Variants in UBP1 observed in about 807,000 individuals in gnomAD.
The protein encoded by UBP1 is upstream binding protein 1, also known as upstream-binding protein 1.
In UBP1, 22 loss-of-function variants were observed where a neutral mutation model predicts 76.1. The observed-to-expected ratio is 0.29, with a 90% CI of 0.21 to 0.41. UBP1 has a LOEUF of 0.41. Ranked by LOEUF, UBP1 falls within the 10% of genes least tolerant of loss-of-function variation. The pLI is 1.00. For missense variants in UBP1, 436 were observed against 668.1 expected (o/e 0.65, Z 3.83); for synonymous variants, 224 against 237.1 (o/e 0.94, Z 0.51).
At chr3:33,425,996 A>AGT (rs2045005195) in intron 1 of UBP1, among the ~76,000 whole-genome samples, 2 of 55,136 alleles carry the variant, frequency 3.6e-5, no homozygotes, top group African/African-American at 1.7e-4. Flanking sequence ...GGCAGCTCTG[A>AGT]ATATATATAT....
chr3:33,411,727 A>G (rs1370585189), intron 4 of UBP1, 40 bp from the exon 5 acceptor site: 1 of 1,513,688 alleles, frequency 6.6e-7, no homozygotes, highest in South Asian at 1.1e-5. Context: ...CATCCACTTT[A>G]AATAACTTAA....
At chr3:33,417,830 AG>A (rs1304994273) in intron 2 of UBP1, among the ~76,000 whole-genome samples, 2 of 152,216 alleles carry the variant, frequency 1.3e-5, no homozygotes, top group African/African-American at 2.4e-5. Context: ...CCATACTCCC[AG>A]GGGGCTTACA....
chr3:33,425,763 C>G lies in UBP1; in HGVS notation c.114-22G>C, dbSNP rs776544444. 4.5e-6 allele frequency: 7 copies of G among 1,558,968 alleles called. No individual in the cohort carries two copies. In the East Asian group the frequency reaches 1.1e-4, roughly 25 times the overall value. On this transcript the variant is annotated intron_variant, in intron 1 of 15. Transcript: ENST00000283629. ...ATCACTGAAAAGCAAAAAATCAACA[C>G]TGACCTTACTTTGGGTTTGAAATAT...
intron 5 of UBP1, among the ~76,000 whole-genome samples, chr3:33,410,695 T>C (rs1313754864): frequency 1.3e-5 from 2 of 152,146 alleles, no homozygotes; most frequent in African/African-American, 4.8e-5. Context: ...CACAGAATAA[T>C]GATATTATAG....
intron 3 of UBP1, among the ~76,000 whole-genome samples, chr3:33,413,563 A>C (rs1045216642): frequency 2.6e-5 from 4 of 151,822 alleles, no homozygotes; most frequent in South Asian, 2.1e-4. Flanking sequence ...AAAAAAAAAA[A>C]AACTTTGAGT....
Position 33,440,035 on chromosome 3 carries a change from G to A in UBP1, c.-187C>T. ...TGGCAGGGCACGACGAGCCCAGCGA[G>A]CAATTGCAGCGGGAGCGGCCGGGCC... On this transcript the variant is annotated 5_prime_UTR_variant, in exon 1 of 16. Coordinates refer to ENST00000283629, the MANE Select transcript of UBP1 (RefSeq NM_014517.5). 3.8e-6 allele frequency: 2 copies of A among 530,016 alleles called. No individual in the cohort carries two copies. The highest frequency in any genetic ancestry group is 4.4e-5 in the Admixed American group (1 of 22,880). The allele number at this position is 530,016 out of a possible 1,614,324, so 32.8% of individuals were successfully genotyped here.
chr3:33,401,196 C>G (rs775696983), intron 9 of UBP1, among the ~76,000 whole-genome samples, 180 bp from the exon 10 acceptor site: 1 of 152,054 alleles, frequency 6.6e-6, no homozygotes, highest in Admixed American at 6.5e-5. Flanking sequence ...GACATGATGA[C>G]GAAATTAAGA....
intron 2 of UBP1, among the ~76,000 whole-genome samples, chr3:33,421,173 C>T (rs1234547392): frequency 6.6e-6 from 1 of 152,232 alleles, no homozygotes; most frequent in Non-Finnish European, 1.5e-5. Context: ...GCTATGTGTA[C>T]TCCACCCTCT....
At chr3:33,392,426 T>C in intron 15 of UBP1, 137 bp downstream of exon 15, 1 of 716,446 alleles carries the variant, frequency 1.4e-6, no homozygotes, top group Non-Finnish European at 2.2e-6. Context: ...CCACTAGAAA[T>C]ATTCTCATTT....
chr3:33,404,806 G>C (rs1036868892), intron 8 of UBP1, among the ~76,000 whole-genome samples: 1 of 152,230 alleles, frequency 6.6e-6, no homozygotes, highest in Admixed American at 6.5e-5. Context: ...AAATGTCCCT[G>C]GGATTTTTGA....
chr3:33,430,772 G>A (rs888718953), intron 1 of UBP1, among the ~76,000 whole-genome samples: 5 of 152,070 alleles, frequency 3.3e-5, no homozygotes, highest in Admixed American at 6.6e-5. Context: ...AAATTTCAGG[G>A]GATCAGCAGC....
At chr3:33,420,999 T>C (rs1162489805) in intron 2 of UBP1, among the ~76,000 whole-genome samples, 3 of 152,186 alleles carry the variant, frequency 2.0e-5, no homozygotes, top group Non-Finnish European at 4.4e-5. Flanking sequence ...ATTCTTTTCA[T>C]TTGAAGAGTT....
At chr3:33,395,770 A>G (rs1217412533) in intron 13 of UBP1, among the ~76,000 whole-genome samples, 43 of 149,718 alleles carry the variant, frequency 2.9e-4, no homozygotes, top group African/African-American at 7.1e-4. Flanking sequence ...AAAAAAAAAA[A>G]AAAGAAAAAG....
intron 8 of UBP1, chr3:33,403,108 T>A: frequency 1.9e-6 from 1 of 519,146 alleles, no homozygotes; most frequent in Non-Finnish European, 3.5e-6. Context: ...AGACACTGAT[T>A]AATCTTAGAG....
chr3:33,430,777 A>G (rs2045099951), intron 1 of UBP1, among the ~76,000 whole-genome samples: 3 of 152,286 alleles, frequency 2.0e-5, no homozygotes, highest in Admixed American at 6.5e-5. Flanking sequence ...TCAGGGGATC[A>G]GCAGCCATGC....
chr3:33,401,266 T>G (rs190569475), intron 9 of UBP1, among the ~76,000 whole-genome samples: 419 of 152,260 alleles, frequency 2.8e-3, no homozygotes, highest in Admixed American at 7.8e-3. Context: ...AAATTCAAGT[T>G]TTGTGAAACA....
At chr3:33,416,967 T>G (rs1157805865) in intron 2 of UBP1, 133 bp from the exon 3 acceptor site, 2 of 712,608 alleles carry the variant, frequency 2.8e-6, no homozygotes, top group Non-Finnish European at 4.7e-6. Flanking sequence ...GGAAGCAAAT[T>G]CAGGTTGATC....
chr3:33,390,896 T>C (rs2043736661), intron 15 of UBP1: 1 of 151,896 alleles, frequency 6.6e-6, no homozygotes, highest in Non-Finnish European at 1.5e-5. Flanking sequence ...ATTTTTCTCA[T>C]GACGACAAAG....
chr3:33,429,496 A>C lies in UBP1; in HGVS notation c.114-3755T>G, dbSNP rs147320430. On this transcript the variant is annotated intron_variant, in intron 1 of 15. Coordinates refer to ENST00000283629, the MANE Select transcript of UBP1 (RefSeq NM_014517.5). ...AGGCTTGTACCACCATGCCTGGCTA[A>C]TGTTTGTATTTTTAGTAGAGTGGGG... Among the ~76,000 whole-genome samples the C allele has an allele frequency of 1.2e-3, 179 of 152,134 alleles. 1 individual carries two copies. Among genetic ancestry groups the C allele is most frequent in the African/African-American group, 4.1e-3 (172 of 41,516 alleles).
Sources: gnomAD v4.1 joint callset for allele counts (sites outside exome capture counted in the v4.1 genomes callset) on GRCh38, gnomAD v4.1.1 for gene constraint, MANE v1.5 for transcripts, NCBI Gene and HGNC (gene_info 2026-07-23, HGNC 2026-07-21) for gene names.